Variants in POU3F3 observed in about 807,000 individuals in gnomAD.
POU3F3 encodes the protein POU domain, class 3, transcription factor 3.
In POU3F3, 1 loss-of-function variant was observed where a neutral mutation model predicts 8.6. That is an observed-to-expected ratio of 0.12 (90% CI 0.04 to 0.55). POU3F3 has a LOEUF of 0.55. Ranked by LOEUF, POU3F3 falls within the 20% of genes least tolerant of loss-of-function variation. The pLI is 0.91. For synonymous variants in POU3F3, 418 were observed against 327.4 expected (o/e 1.28, Z -2.99); for missense variants, 577 against 690.7 (o/e 0.84, Z 1.84).
the POU3F3 span, among the ~76,000 whole-genome samples, chr2:104,874,940 T>G: frequency 6.6e-6 from 1 of 152,242 alleles, no homozygotes; most frequent in Admixed American, 6.5e-5. Flanking sequence ...CCAGAAGTTT[T>G]TTTATCTTAC....
the POU3F3 span, among the ~76,000 whole-genome samples, chr2:104,906,048 C>T: frequency 6.6e-6 from 1 of 152,164 alleles, no homozygotes; most frequent in Non-Finnish European, 1.5e-5. Flanking sequence ...GGCATACAAA[C>T]AATTTTCTAT....
chr2:104,855,871 C>T lies in POU3F3; in HGVS notation c.361C>T (p.Pro121Ser), dbSNP rs1158188702. 4.7e-6 allele frequency: 5 copies of T among 1,066,794 alleles called. No homozygotes were observed. Among genetic ancestry groups the T allele is most frequent in the African/African-American group, 3.5e-5 (2 of 56,934 alleles). The allele number at this position is 1,066,794 out of a possible 1,614,324, so 66.1% of individuals were successfully genotyped here. ...AAAAAVEASS[P>S]WSGSAVGMAG... is the part of the protein sequence containing the mutation. Reference sequence around the variant, plus strand: ...CGCCGCCGCCGTGGAGGCGAGCTCGCCGTGGTCGGGCAGCGCCGTGGGCAT... The same window carrying T: ...CGCCGCCGCCGTGGAGGCGAGCTCGTCGTGGTCGGGCAGCGCCGTGGGCAT... Residue 121 changes from proline (P) to serine (S), a missense_variant, in exon 1 of 1, where the codon CCG (proline) becomes TCG (serine). Around this residue, in one of 7 missense-constraint regions of POU3F3, gnomAD observed 484 missense variants for 422.6 expected, o/e 1.15. Coordinates refer to ENST00000361360, the MANE Select transcript of POU3F3 (RefSeq NM_006236.3).
the POU3F3 span, among the ~76,000 whole-genome samples, chr2:104,891,140 A>G: frequency 6.6e-6 from 1 of 152,122 alleles, no homozygotes; most frequent in African/African-American, 2.4e-5. Context: ...CCGGCACCAC[A>G]CCTAGCACCT....
In POU3F3 at chr2:104,857,216, T is replaced by G; in HGVS notation, c.*203T>G. The G allele has an allele frequency of 2.0e-6, 1 of 508,300 alleles. No homozygotes were observed. Among genetic ancestry groups the G allele is most frequent in the Non-Finnish European group, 2.5e-6 (1 of 392,652 alleles). The allele number at this position is 508,300 out of a possible 1,614,324, so 31.5% of individuals were successfully genotyped here. A position where few individuals can be genotyped will look rare whatever the true frequency, so the allele number is the denominator to read the frequency against. The stretch of plus-strand genomic sequence containing the variant: ...ACCCAGAGACAGGCATGCCCGCCCT[T>G]GGAGGAGAAAACGCGGGAGAAACGG... On this transcript the variant is annotated 3_prime_UTR_variant, in exon 1 of 1. Transcript: ENST00000361360.
At chr2:104,920,040 A>G in the POU3F3 span, among the ~76,000 whole-genome samples, 1 of 152,020 alleles carries the variant, frequency 6.6e-6, no homozygotes, top group African/African-American at 2.4e-5. Flanking sequence ...TTTGAGATGG[A>G]GTCTTGCTCT....
the POU3F3 span, among the ~76,000 whole-genome samples, chr2:104,918,820 T>A: frequency 6.6e-6 from 1 of 151,956 alleles, no homozygotes; most frequent in Non-Finnish European, 1.5e-5. Flanking sequence ...AACACTCTCC[T>A]GCCCCGATCT....
the POU3F3 span, among the ~76,000 whole-genome samples, chr2:104,878,258 C>G: frequency 6.6e-6 from 1 of 152,086 alleles, no homozygotes; most frequent in Non-Finnish European, 1.5e-5. Flanking sequence ...GCAATTTACC[C>G]AAATTTTAGA....
the POU3F3 span, among the ~76,000 whole-genome samples, chr2:104,905,432 A>G: frequency 6.6e-6 from 1 of 152,344 alleles, no homozygotes; most frequent in South Asian, 2.1e-4. Context: ...TTTTACTTAC[A>G]TATGTATTAA....
chr2:104,905,766 G>A, the POU3F3 span, among the ~76,000 whole-genome samples: 1 of 152,194 alleles, frequency 6.6e-6, no homozygotes, highest in African/African-American at 2.4e-5. Flanking sequence ...GTGAGTGCCT[G>A]TGTCCAAAAT....
the POU3F3 span, among the ~76,000 whole-genome samples, chr2:104,918,790 C>T: frequency 6.6e-6 from 1 of 151,878 alleles, no homozygotes. Context: ...CCCTACTAGG[C>T]TAATACATAG....
chr2:104,891,042 C>CTGAAA, the POU3F3 span, among the ~76,000 whole-genome samples: 1 of 152,004 alleles, frequency 6.6e-6, no homozygotes, highest in Non-Finnish European at 1.5e-5. Flanking sequence ...CTTATCTGAA[C>CTGAAA]CTTGAGGCTT....
At chr2:104,902,654 A>G in the POU3F3 span, among the ~76,000 whole-genome samples, 3 of 152,224 alleles carry the variant, frequency 2.0e-5, no homozygotes, top group Non-Finnish European at 4.4e-5. Context: ...CATCTCCCTC[A>G]CAGTCATTCA....
At chr2:104,910,231 C>T in the POU3F3 span, among the ~76,000 whole-genome samples, 1 of 152,026 alleles carries the variant, frequency 6.6e-6, no homozygotes, top group Non-Finnish European at 1.5e-5. Flanking sequence ...AGCTCTTCAG[C>T]CCATGTCTTC....
At chr2:104,904,432 T>TA in the POU3F3 span, among the ~76,000 whole-genome samples, 5 of 151,996 alleles carry the variant, frequency 3.3e-5, no homozygotes, top group African/African-American at 1.2e-4. Flanking sequence ...TGTATTTATA[T>TA]AAAAAATCAA....
the POU3F3 span, among the ~76,000 whole-genome samples, chr2:104,893,298 A>G: frequency 1.3e-5 from 2 of 152,196 alleles, no homozygotes; most frequent in East Asian, 3.9e-4. Flanking sequence ...TCATTGGACC[A>G]GCTTCCTCTT....
chr2:104,892,441 A>T, the POU3F3 span, among the ~76,000 whole-genome samples: 1 of 152,182 alleles, frequency 6.6e-6, no homozygotes, highest in Non-Finnish European at 1.5e-5. Flanking sequence ...TGAGATATTC[A>T]TGCTTATTTA....
the POU3F3 span, among the ~76,000 whole-genome samples, chr2:104,882,898 A>G: frequency 6.6e-6 from 1 of 152,216 alleles, no homozygotes; most frequent in Non-Finnish European, 1.5e-5. Flanking sequence ...GAAGCTTTGC[A>G]AAGAGTATTA....
rs1041550321 is a variant in POU3F3 at position 104,855,212 on chromosome 2, GGCT to G, written c.-285_-283del. Among the ~76,000 whole-genome samples, 16 of 151,156 alleles carry G rather than the reference GGCT, an allele frequency of 1.1e-4. No individual in the cohort carries two copies. Among genetic ancestry groups the G allele is most frequent in the South Asian group, 4.2e-4 (2 of 4,814 alleles). On this transcript the variant is annotated 5_prime_UTR_variant, in exon 1 of 1. Coordinates refer to ENST00000361360, the MANE Select transcript of POU3F3 (RefSeq NM_006236.3). ...CCCCTCCCCAGAGCGCTGCTCCTGC[GGCT>G]GCTGCTGCTGCTGGTGACCAAGGCC...
At chr2:104,872,746 C>A in the POU3F3 span, among the ~76,000 whole-genome samples, 53 of 152,180 alleles carry the variant, frequency 3.5e-4, no homozygotes, top group Non-Finnish European at 6.9e-4. This position sits in a 1 kb window ranked among gnomAD's most constrained non-coding sequence, Gnocchi z 4.6. Context: ...AGGAGAGGCA[C>A]AAAAGAAGGT....
Sources: allele counts gnomAD v4.1 joint callset (sites outside exome capture counted in the v4.1 genomes callset), GRCh38; gene constraint gnomAD v4.1.1; regional missense constraint gnomAD v4.1.1; non-coding constraint Gnocchi (gnomAD v3.1); transcripts MANE v1.5; gene names NCBI Gene and HGNC (gene_info 2026-07-23, HGNC 2026-07-21).